Variants in TLE6 observed in about 807,000 individuals in gnomAD.
TLE6 encodes transducin-like enhancer protein 6.
TLE6 carries 72 observed loss-of-function variants against 77.1 expected under a neutral mutation model. The ratio of observed to expected loss-of-function variants is 0.93; its 90% confidence interval spans 0.77 to 1.14. TLE6 has a LOEUF of 1.14. Among genes scored for constraint, TLE6 ranks in the 50% most tolerant of loss-of-function variants. The pLI, the probability that TLE6 is intolerant of heterozygous loss-of-function variation, is 0.00. For synonymous variants in TLE6, 366 were observed against 287.3 expected (o/e 1.27, Z -2.77); for missense variants, 843 against 747.6 (o/e 1.13, Z -1.49).
intron 2 of TLE6, among the ~76,000 whole-genome samples, chr19:2,979,001 G>C (rs2088738458): frequency 6.6e-6 from 1 of 152,094 alleles, no homozygotes; most frequent in African/African-American, 2.4e-5. Context: ...ACCTCGGCTG[G>C]AATGCAATGG....
rs906514054 is a variant in TLE6 at position 2,987,178 on chromosome 19, G to C, written c.481G>C (p.Glu161Gln). ...TTGGTTTTGGCACGACACTCTGACC[G>C]AGCAACTCTGGCGGATTTTTGCCGG... ...EPWFWHDTLTEQLWRIFAGVH... is the reference protein window; with the variant it reads ...EPWFWHDTLTQQLWRIFAGVH... The change falls in exon 7 of 17, where the codon GAG (glutamate) becomes CAG (glutamine). Residue 161 changes from glutamate (E) to glutamine (Q), a missense_variant. By Grantham distance (29) the Glu-to-Gln change is conservative. Coordinates refer to ENST00000246112, the MANE Select transcript of TLE6 (RefSeq NM_001143986.2). The C allele has an allele frequency of 6.2e-7, 1 of 1,614,048 alleles. No individual in the cohort carries two copies. Among genetic ancestry groups the C allele is most frequent in the Non-Finnish European group, 8.5e-7 (1 of 1,180,026 alleles).
At chr19:2,979,210 C>T (rs1263041513) in intron 2 of TLE6, among the ~76,000 whole-genome samples, 2 of 152,010 alleles carry the variant, frequency 1.3e-5, no homozygotes, top group East Asian at 3.9e-4. Context: ...CCTCAGCCTC[C>T]CAAAGTGCTG....
At chr19:2,983,455 G>A (rs1378761288) in intron 5 of TLE6, among the ~76,000 whole-genome samples, 1 of 152,178 alleles carries the variant, frequency 6.6e-6, no homozygotes, top group Non-Finnish European at 1.5e-5. Context: ...TGACATCTGA[G>A]CGGAGGCTTA....
intron 16 of TLE6, 45 bp from the exon 17 acceptor site, chr19:2,994,855 T>G (rs758652025): frequency 1.8e-6 from 2 of 1,124,556 alleles, no homozygotes; most frequent in Non-Finnish European, 2.6e-6. Context: ...AGACCAGGGG[T>G]GTGTGAGCCC....
intron 5 of TLE6, among the ~76,000 whole-genome samples, chr19:2,985,118 C>T (rs1878134060): frequency 6.6e-6 from 1 of 151,698 alleles, no homozygotes; most frequent in Non-Finnish European, 1.5e-5. Context: ...GGCATGGTGG[C>T]GGGTGCCTGT....
In TLE6 at chr19:2,994,913, C is replaced by G. The variant is rs141174431; in HGVS notation, c.1628C>G (p.Ser543Cys). 6 of 1,600,434 alleles carry G rather than the reference C, an allele frequency of 3.7e-6. No individual in the cohort carries two copies. The highest frequency in any genetic ancestry group is 1.3e-5 in the African/African-American group (1 of 74,858). Residue 543 changes from serine (S) to cysteine (C), a missense_variant, in exon 17 of 17, where the codon TCT becomes TGT. Coordinates refer to ENST00000246112, the MANE Select transcript of TLE6 (RefSeq NM_001143986.2). Reference protein sequence around the residue: ...GTKVFEVPEMSPVTCCDVSSN... With the variant: ...GTKVFEVPEMCPVTCCDVSSN... ...CCCCCCCTCCAGGTGCCTGAGATGTCTCCAGTCACGTGCTGTGACGTCTCT... is the reference window on the plus strand; with the variant it reads ...CCCCCCCTCCAGGTGCCTGAGATGTGTCCAGTCACGTGCTGTGACGTCTCT...
chr19:2,987,609 C>G (rs1046996089), intron 8 of TLE6, 115 bp from the exon 9 acceptor site: 17 of 1,280,130 alleles, frequency 1.3e-5, no homozygotes, highest in Non-Finnish European at 1.8e-5. Context: ...CTGCCTGGAC[C>G]CGCAGACAGG....
chr19:2,982,535 C>CAAA (rs1200316710), intron 5 of TLE6, among the ~76,000 whole-genome samples: 9 of 41,802 alleles, frequency 2.2e-4, no homozygotes, highest in African/African-American at 4.2e-4. Flanking sequence ...GACTCTGTCT[C>CAAA]AAAAAAAAAA....
intron 11 of TLE6, 116 bp downstream of exon 11, chr19:2,988,244 C>T: frequency 8.8e-7 from 1 of 1,132,852 alleles, no homozygotes; most frequent in Non-Finnish European, 1.3e-6. Flanking sequence ...CTTTCTTCCC[C>T]TTTTCCCATC....
chr19:2,987,230 G>A lies in TLE6; in HGVS notation c.533G>A (p.Arg178Lys), dbSNP rs1428922291. 1 of 1,614,072 alleles carries A rather than the reference G, an allele frequency of 6.2e-7. No homozygotes were observed. Among genetic ancestry groups the A allele is most frequent in the Non-Finnish European group, 8.5e-7 (1 of 1,180,042 alleles). The change falls in exon 7 of 17, where the codon AGA (arginine) becomes AAA (lysine). Residue 178 changes from arginine (R) to lysine (K), a missense_variant. By Grantham distance (26) the Arg-to-Lys change is conservative. Transcript: ENST00000246112. ...AGVHDEKAKP[R>K]DRQQAPGLGQ... is the part of the protein sequence containing the mutation. ...GTCCACGATGAGAAGGCAAAGCCCA[G>A]AGACAGACGTGAGTGTCCCTGAGGG... is the stretch of plus-strand genomic sequence containing the variant.
At position 2,987,547 on chromosome 19, in the gene TLE6, C is replaced by G. The variant is rs527331951; in HGVS notation, c.558+175C>G. ...GAGGCTATACTGGAGTAGCCCAGGACCCACAGCCCAGGGCTTCCAGGACCC... is the reference window on the plus strand; with the variant it reads ...GAGGCTATACTGGAGTAGCCCAGGAGCCACAGCCCAGGGCTTCCAGGACCC... On this transcript the variant is annotated intron_variant, in intron 8 of 16. Transcript: ENST00000246112. 3.6e-6 allele frequency: 4 copies of G among 1,122,176 alleles called. No individual in the cohort carries two copies. In the African/African-American group the frequency reaches 6.2e-5, roughly 17 times the overall value. 69.5% of individuals were successfully genotyped at this position (1,122,176 alleles called of 1,614,324 possible).
chr19:2,990,935 T>C (rs10418234), intron 13 of TLE6, among the ~76,000 whole-genome samples: 50,353 of 149,410 alleles, frequency 0.34, 10,624 homozygotes, highest in African/African-American at 0.6. Context: ...GCGGAGTTTG[T>C]GGTGAGCCAA....
intron 11 of TLE6, 178 bp from the exon 12 acceptor site, chr19:2,988,883 G>A: frequency 1.1e-6 from 1 of 918,834 alleles, no homozygotes; most frequent in Non-Finnish European, 1.6e-6. Context: ...CTGTGGCAAA[G>A]GGACAATACT....
intron 14 of TLE6, among the ~76,000 whole-genome samples, chr19:2,993,040 A>AC (rs2089117275): frequency 3.3e-5 from 5 of 149,756 alleles, no homozygotes; most frequent in African/African-American, 1.2e-4. Context: ...AAAAAAAAAA[A>AC]AAAAAAAAAA....
chr19:2,993,950 G>C, intron 15 of TLE6, 69 bp from the exon 16 acceptor site: 2 of 1,246,798 alleles, frequency 1.6e-6, no homozygotes. Flanking sequence ...AAAGGTGGGT[G>C]GGGAGGATGA....
chr19:2,984,060 T>C (rs2088854808), intron 5 of TLE6: 1 of 152,326 alleles, frequency 6.6e-6, no homozygotes, highest in South Asian at 2.1e-4. Flanking sequence ...CCCCACCCGC[T>C]GCTTCCAGTT....
At chr19:2,980,757 AAGT>A (rs2145016964) in intron 3 of TLE6, among the ~76,000 whole-genome samples, 1 of 150,342 alleles carries the variant, frequency 6.7e-6, no homozygotes, top group African/African-American at 2.4e-5. Context: ...AAAAAAAAAA[AAGT>A]ACTGCATGGG....
At chr19:2,984,262 C>G (rs868280299) in intron 5 of TLE6, 1 of 152,272 alleles carries the variant, frequency 6.6e-6, no homozygotes, top group Middle Eastern at 3.4e-3. Flanking sequence ...GGAGAGGGCT[C>G]CCCTGGGATT....
intron 11 of TLE6, among the ~76,000 whole-genome samples, chr19:2,988,631 C>T (rs902124495): frequency 1.2e-4 from 19 of 152,066 alleles, no homozygotes; most frequent in Non-Finnish European, 2.4e-4. Context: ...ACAGGATCGC[C>T]GCCCCAACAC....
Sources: gnomAD v4.1 joint callset for allele counts (sites outside exome capture counted in the v4.1 genomes callset) on GRCh38, gnomAD v4.1.1 for gene constraint, MANE v1.5 for transcripts, NCBI Gene and HGNC (gene_info 2026-07-23, HGNC 2026-07-21) for gene names.